Variants in PPP1R13B observed in about 807,000 individuals in gnomAD.
PPP1R13B encodes apoptosis-stimulating of p53 protein 1.
Under a neutral mutation model 119.8 loss-of-function variants are expected in PPP1R13B, and 44 were observed. The ratio of observed to expected loss-of-function variants is 0.37; its 90% confidence interval spans 0.29 to 0.47. The LOEUF (loss-of-function observed/expected upper bound fraction) is 0.47, where lower values mean the gene tolerates loss of function less well. Ranked by LOEUF, PPP1R13B falls within the 20% of genes least tolerant of loss-of-function variation. PPP1R13B has a pLI of 0.99. For synonymous variants in PPP1R13B, 542 were observed against 561.5 expected, an observed-to-expected ratio of 0.97 and a Z score of 0.49; for missense variants, 1,227 against 1,413.5, an observed-to-expected ratio of 0.87 and a Z score of 2.12.
chr14:103,844,709 G>A (rs2086988935), intron 1 of PPP1R13B, among the ~76,000 whole-genome samples: 1 of 152,144 alleles, frequency 6.6e-6, no homozygotes, highest in African/African-American at 2.4e-5. Context: ...CTGGGCAACA[G>A]AGTGAGACTC....
chr14:103,792,608 T>A (rs920393423), intron 2 of PPP1R13B, among the ~76,000 whole-genome samples: 1 of 151,892 alleles, frequency 6.6e-6, no homozygotes, highest in Admixed American at 6.6e-5. Context: ...CTACAAAAAA[T>A]AAATAAATAA....
rs145813926 is a variant in PPP1R13B at position 103,754,650 on chromosome 14, C to T, written c.457-406G>A. On this transcript the variant is annotated intron_variant, in intron 5 of 16. Coordinates refer to ENST00000202556, the MANE Select transcript of PPP1R13B (RefSeq NM_015316.3). ...AATGTGAGAGTATTCTACAGTATCA[C>T]TCATCTTAAAGAATACTAAAACACT... Among the ~76,000 whole-genome samples the T allele has an allele frequency of 4.6e-5, 7 of 151,542 alleles. No homozygotes were observed. The East Asian group carries it at 1.4e-3, about 29-fold the overall frequency.
intron 1 of PPP1R13B, chr14:103,818,621 T>C: frequency 2.4e-6 from 1 of 423,720 alleles, no homozygotes; most frequent in Non-Finnish European, 3.2e-6. Flanking sequence ...TCCTCTTCTC[T>C]GGGCTTCACA....
intron 9 of PPP1R13B, chr14:103,743,952 G>A (rs1332968700): frequency 6.6e-6 from 1 of 152,264 alleles, no homozygotes; most frequent in East Asian, 1.9e-4. Context: ...TTATGATGCA[G>A]GCTCCAGGCA....
intron 9 of PPP1R13B, 60 bp downstream of exon 9, chr14:103,746,313 C>T (rs2084384192): frequency 2.7e-5 from 7 of 255,456 alleles, no homozygotes; most frequent in Non-Finnish European, 4.7e-5. Context: ...CGCCCCTCCA[C>T]CGCAGGCCCC....
intron 4 of PPP1R13B, among the ~76,000 whole-genome samples, chr14:103,760,024 CATT>C (rs2084767588): frequency 3.9e-5 from 6 of 152,236 alleles, no homozygotes; most frequent in Middle Eastern, 6.8e-3. Flanking sequence ...TGTAATAAAT[CATT>C]ATGTACAGCT....
At chr14:103,739,261 G>A (rs941596974) in intron 12 of PPP1R13B, 7 of 509,122 alleles carry the variant, frequency 1.4e-5, no homozygotes, top group African/African-American at 1.3e-4. Context: ...ACGCACAGAG[G>A]GACACGGCTG....
rs368023622 is a variant in PPP1R13B, at chr14:103,753,036, C to G, written c.792G>C (p.Ala264=). ...QSYNGKLTGP[A]AVELKRLYQE... is the part of the protein sequence containing the mutation. ...GGTACAGTCTTTTTAACTCCACCGC[C>G]GCTGGTCCCGTCAATTTGCCATTGT... The change falls in exon 7 of 17, where the codon GCG becomes GCC. Residue 264 remains alanine, a synonymous_variant. Coordinates refer to ENST00000202556, the MANE Select transcript of PPP1R13B (RefSeq NM_015316.3). 8.1e-6 allele frequency: 13 copies of G among 1,614,172 alleles called. No individual in the cohort carries two copies. In the Admixed American group the frequency reaches 2.2e-4, roughly 27 times the overall value.
intron 4 of PPP1R13B, among the ~76,000 whole-genome samples, chr14:103,769,355 T>G (rs1285957645): frequency 6.6e-6 from 1 of 152,060 alleles, no homozygotes; most frequent in Non-Finnish European, 1.5e-5. Context: ...CCTCCCAAAG[T>G]GCTGGGATTA....
In PPP1R13B at chr14:103,736,188, G is replaced by A. The variant is rs369886086; in HGVS notation, c.3046C>T (p.Leu1016=). The A allele has an allele frequency of 2.5e-6, 4 of 1,613,656 alleles. No homozygotes were observed. The highest frequency in any genetic ancestry group is 1.3e-5 in the African/African-American group (1 of 74,930). ...GCCACACCTTTGTTCATCACACCCA[G>A]CTTTTCCTGCACCCCTGGAGCCAGA... The part of the protein sequence containing the change: ...SQFLYGVQEK[L]GVMNKGVAYA... The change falls in exon 16 of 17, where the codon CTG becomes TTG. Residue 1016 remains leucine (L), a synonymous_variant. Transcript: ENST00000202556.
chr14:103,802,762 T>A (rs937898689), intron 1 of PPP1R13B, among the ~76,000 whole-genome samples: 2 of 152,136 alleles, frequency 1.3e-5, no homozygotes, highest in Admixed American at 1.3e-4. Context: ...AAGTTCAATA[T>A]GATGAGGGAG....
chr14:103,754,597 T>C (rs372604535), intron 5 of PPP1R13B, among the ~76,000 whole-genome samples: 51 of 148,150 alleles, frequency 3.4e-4, no homozygotes, highest in East Asian at 2.2e-3. Context: ...TTGAAACTTA[T>C]GATTACTTTT....
At chr14:103,836,326 G>C (rs572717954) in intron 1 of PPP1R13B, among the ~76,000 whole-genome samples, 4 of 152,042 alleles carry the variant, frequency 2.6e-5, no homozygotes, top group African/African-American at 7.2e-5. Context: ...GATTACAGGC[G>C]TGAACCACCA....
chr14:103,841,051 C>G (rs909762751), intron 1 of PPP1R13B, among the ~76,000 whole-genome samples: 2 of 152,180 alleles, frequency 1.3e-5, no homozygotes, highest in Non-Finnish European at 2.9e-5. Context: ...CTTTGGGAAG[C>G]TGAGGCGGCA....
At chr14:103,835,469 T>C (rs939242686) in intron 1 of PPP1R13B, among the ~76,000 whole-genome samples, 3 of 150,636 alleles carry the variant, frequency 2.0e-5, no homozygotes, top group Non-Finnish European at 3.0e-5. Context: ...CTTGCTCTGT[T>C]GCCCAGACTG....
chr14:103,827,652 A>G (rs1298222609), intron 1 of PPP1R13B, among the ~76,000 whole-genome samples: 2 of 148,724 alleles, frequency 1.3e-5, no homozygotes, highest in Non-Finnish European at 3.0e-5. Flanking sequence ...AAGTATATAT[A>G]ATACTATAGA....
At position 103,746,281 on chromosome 14, in the gene PPP1R13B, C is replaced by T. The variant is rs142665922; in HGVS notation, c.1150+92G>A. 2.8e-3 allele frequency: 1,645 copies of T among 588,946 alleles called. 28 individuals carry two copies. In the African/African-American group the frequency reaches 0.03, roughly 11 times the overall value. 36.5% of individuals were successfully genotyped at this position (588,946 alleles called of 1,614,324 possible). On this transcript the variant is annotated intron_variant, in intron 9 of 16. Coordinates refer to ENST00000202556, the MANE Select transcript of PPP1R13B (RefSeq NM_015316.3). ...AGTCTGACGATGTGTGGGGCAGAGCCTCAGGAGCCTGCCCCACCCCCCGCC... is the reference window on the plus strand; with the variant it reads ...AGTCTGACGATGTGTGGGGCAGAGCTTCAGGAGCCTGCCCCACCCCCCGCC...
chr14:103,774,774 G>C (rs1417750479), intron 4 of PPP1R13B, among the ~76,000 whole-genome samples: 2 of 152,164 alleles, frequency 1.3e-5, no homozygotes, highest in Non-Finnish European at 2.9e-5. Flanking sequence ...GGGGGAAGAT[G>C]TTTTTCATAT....
intron 1 of PPP1R13B, among the ~76,000 whole-genome samples, chr14:103,810,634 T>C (rs1306578537): frequency 6.6e-6 from 1 of 151,566 alleles, no homozygotes; most frequent in Non-Finnish European, 1.5e-5. Flanking sequence ...TAGCTGGGCG[T>C]GGTGGTGGGC....
Sources: allele counts gnomAD v4.1 joint callset (sites outside exome capture counted in the v4.1 genomes callset), GRCh38; gene constraint gnomAD v4.1.1; transcripts MANE v1.5; gene names NCBI Gene and HGNC (gene_info 2026-07-23, HGNC 2026-07-21).